The following MRPS33 variants were observed in gnomAD, a reference collection of about 807,000 sequenced individuals.
MRPS33 encodes the protein mitochondrial ribosomal protein S33.
Under a neutral mutation model 11.2 loss-of-function variants are expected in MRPS33, and 11 were observed. That is an observed-to-expected ratio of 0.99 (90% confidence interval 0.62 to 1.63). MRPS33 has a LOEUF of 1.63. Ranked by LOEUF, MRPS33 falls within the 40% of genes most tolerant of loss-of-function variation. The probability of loss-of-function intolerance (pLI) is 0.00; values close to 1 mark genes in which losing one functional copy is unlikely to be tolerated. For missense variants in MRPS33, 109 were observed against 127.8 expected (o/e 0.85, Z 0.71); for synonymous variants, 46 against 44.0 (o/e 1.05, Z -0.18).
intron 2 of MRPS33, among the ~76,000 whole-genome samples, chr7:141,008,309 AT>A (rs779532969): frequency 1.3e-5 from 2 of 152,126 alleles, no homozygotes; most frequent in Non-Finnish European, 2.9e-5. Context: ...ACTGAATGTG[AT>A]TTTTTCATGG....
At position 141,004,652 on chromosome 7, in the gene MRPS33, C is replaced by A. The variant is rs552034963; in HGVS notation, c.*1778G>T. 2.6e-5 allele frequency: 4 copies of A among 152,162 alleles called. No individual in the cohort carries two copies. The highest frequency in any genetic ancestry group is 1.9e-4 in the East Asian group (1 of 5,188). The allele number at this position is 152,162 out of a possible 1,614,324, so 9.4% of individuals were successfully genotyped here. On this transcript the variant is annotated 3_prime_UTR_variant, in exon 3 of 3. Coordinates refer to ENST00000324787, the MANE Select transcript of MRPS33 (RefSeq NM_053035.3). ...TTGTACACTTAAATATGGTTAAGAT[C>A]ATTAATTTTATGTTTTTACTACAAT...
chr7:141,007,406 T>C (rs1417130007), intron 2 of MRPS33, among the ~76,000 whole-genome samples: 1 of 152,172 alleles, frequency 6.6e-6, no homozygotes, highest in African/African-American at 2.4e-5. Flanking sequence ...TCCATGAACA[T>C]CATGGACAGT....
intron 1 of MRPS33, chr7:141,014,450 C>T (rs1820751852): frequency 2.0e-5 from 3 of 152,236 alleles, no homozygotes; most frequent in African/African-American, 7.2e-5. Context: ...CCACCTGACT[C>T]GATCATGCCT....
chr7:141,009,807 T>G (rs1164161281), intron 2 of MRPS33: 1 of 151,628 alleles, frequency 6.6e-6, no homozygotes, highest in East Asian at 1.9e-4. Context: ...TGCATTGTTT[T>G]TTTTTTTTTT....
intron 2 of MRPS33, 58 bp from the exon 3 acceptor site, chr7:141,006,593 T>G: frequency 7.1e-7 from 1 of 1,399,990 alleles, no homozygotes; most frequent in South Asian, 1.2e-5. Flanking sequence ...AAAAGTACAC[T>G]AATCTAGCAC....
At position 141,003,695 on chromosome 7, in the gene MRPS33, T is replaced by C. The variant is rs1820458320; in HGVS notation, c.*2735A>G. On this transcript the variant is annotated 3_prime_UTR_variant, in exon 3 of 3. Transcript: ENST00000324787. The stretch of plus-strand genomic sequence containing the variant: ...AAAATATCATGCTAATTCTCTTAAG[T>C]TCCTCTTACATTCAGATCTTTCCCA... 1 of 152,238 alleles carries C rather than the reference T, an allele frequency of 6.6e-6. No individual in the cohort carries two copies. Among genetic ancestry groups the C allele is most frequent in the African/African-American group, 2.4e-5 (1 of 41,464 alleles). The allele number at this position is 152,238 out of a possible 1,614,324, so 9.4% of individuals were successfully genotyped here.
At chr7:141,011,598 G>A (rs1342001954) in intron 1 of MRPS33, among the ~76,000 whole-genome samples, 1 of 152,080 alleles carries the variant, frequency 6.6e-6, no homozygotes, top group East Asian at 1.9e-4. Context: ...GGCAGAATAT[G>A]CCAATTTATG....
At chr7:141,012,194 A>AAAAAAAAAG (rs1820692889) in intron 1 of MRPS33, among the ~76,000 whole-genome samples, 1 of 149,728 alleles carries the variant, frequency 6.7e-6, no homozygotes, top group Non-Finnish European at 1.5e-5. Context: ...AAAAAAAAAA[A>AAAAAAAAAG]GCAGAGGCTG....
In MRPS33 at chr7:141,004,559, T is replaced by C. The variant is rs1419972056; in HGVS notation, c.*1871A>G. ...TAGCTGCTATACATACTCCAATAAA[T>C]ACTATCGCACTAAAATGCTTTTATA... On this transcript the variant is annotated 3_prime_UTR_variant, in exon 3 of 3. Coordinates refer to ENST00000324787, the MANE Select transcript of MRPS33 (RefSeq NM_053035.3). 1 of 152,172 alleles carries C rather than the reference T, an allele frequency of 6.6e-6. No individual in the cohort carries two copies. Among genetic ancestry groups the C allele is most frequent in the African/African-American group, 2.4e-5 (1 of 41,440 alleles). 9.4% of individuals were successfully genotyped at this position (152,172 alleles called of 1,614,324 possible). A position where few individuals can be genotyped will look rare whatever the true frequency, so the allele number is the denominator to read the frequency against.
At chr7:141,007,331 T>C (rs539639151) in intron 2 of MRPS33, among the ~76,000 whole-genome samples, 1 of 152,114 alleles carries the variant, frequency 6.6e-6, no homozygotes, top group Non-Finnish European at 1.5e-5. Context: ...GTATGGATAA[T>C]AACAGTGTAT....
intron 1 of MRPS33, among the ~76,000 whole-genome samples, chr7:141,011,088 C>A (rs1820664340): frequency 6.6e-6 from 1 of 152,218 alleles, no homozygotes; most frequent in Non-Finnish European, 1.5e-5. Context: ...AAGGTGTAAT[C>A]ATGGCAGAGA....
At chr7:141,013,486 T>G (rs1820728317) in intron 1 of MRPS33, among the ~76,000 whole-genome samples, 1 of 152,224 alleles carries the variant, frequency 6.6e-6, no homozygotes, top group Non-Finnish European at 1.5e-5. Context: ...AAAGTGGTTT[T>G]AACAATTACC....
chr7:141,014,903 A>T lies in MRPS33; in HGVS notation c.-28+8T>A, dbSNP rs944132026. On this transcript the variant is annotated splice_region_variant and intron_variant, in intron 1 of 2. Coordinates refer to ENST00000324787, the MANE Select transcript of MRPS33 (RefSeq NM_053035.3). ...GCTGCAGACCCCCAAAGTCACCGAC[A>T]GCCTTACCTAGACCTGACCTTCCTC... is the stretch of plus-strand genomic sequence containing the variant. 6.6e-6 allele frequency: 1 copy of T among 152,530 alleles called. No homozygotes were observed. The highest frequency in any genetic ancestry group is 1.5e-5 in the Non-Finnish European group (1 of 68,312). The allele number at this position is 152,530 out of a possible 1,614,324, so 9.4% of individuals were successfully genotyped here.
intron 2 of MRPS33, among the ~76,000 whole-genome samples, chr7:141,008,345 C>G (rs971412193): frequency 6.6e-6 from 1 of 152,178 alleles, no homozygotes; most frequent in African/African-American, 2.4e-5. Flanking sequence ...CTCAGGATAT[C>G]TGCCTCCCAA....
intron 1 of MRPS33, chr7:141,014,377 C>T (rs1181527009): frequency 6.6e-6 from 1 of 152,174 alleles, no homozygotes; most frequent in Non-Finnish European, 1.5e-5. Context: ...GTCATAGAGG[C>T]ATCAACGGCA....
intron 1 of MRPS33, among the ~76,000 whole-genome samples, chr7:141,011,511 G>C (rs1820673424): frequency 6.6e-6 from 1 of 152,038 alleles, no homozygotes; most frequent in African/African-American, 2.4e-5. Flanking sequence ...CTATACAGGG[G>C]ATACATAAAA....
At chr7:141,009,332 A>G (rs1198249721) in intron 2 of MRPS33, among the ~76,000 whole-genome samples, 1 of 151,772 alleles carries the variant, frequency 6.6e-6, no homozygotes, top group African/African-American at 2.4e-5. Flanking sequence ...GGGTTTCACC[A>G]TGTTGGCCAG....
At chr7:141,006,583 A>T (rs781679241) in intron 2 of MRPS33, 48 bp from the exon 3 acceptor site, 11 of 1,475,168 alleles carry the variant, frequency 7.5e-6, no homozygotes, top group Admixed American at 1.7e-5. Context: ...TTACGAGTAG[A>T]AAAGTACACT....
At position 141,005,269 on chromosome 7, in the gene MRPS33, C is replaced by T. The variant is rs1820497047; in HGVS notation, c.*1161G>A. On this transcript the variant is annotated 3_prime_UTR_variant, in exon 3 of 3. Transcript: ENST00000324787. ...CAGACAATTTCTTCATACCTTAGGG[C>T]TTTGCAAATAGTACTCTCTGCCTCA... 6.6e-6 allele frequency: 1 copy of T among 152,210 alleles called. No homozygotes were observed. Among genetic ancestry groups the T allele is most frequent in the Non-Finnish European group, 1.5e-5 (1 of 68,048 alleles). 9.4% of individuals were successfully genotyped at this position (152,210 alleles called of 1,614,324 possible).
Sources: allele counts gnomAD v4.1 joint callset (sites outside exome capture counted in the v4.1 genomes callset), GRCh38; gene constraint gnomAD v4.1.1; transcripts MANE v1.5; gene names NCBI Gene and HGNC (gene_info 2026-07-23, HGNC 2026-07-21).